ENOX1: variants seen among roughly 807,000 people sequenced by gnomAD.
The protein encoded by ENOX1 is ecto-NOX disulfide-thiol exchanger 1.
ENOX1 carries 42 observed loss-of-function variants against 82.5 expected under a neutral mutation model. The observed-to-expected ratio is 0.51, with a 90% CI of 0.40 to 0.66. ENOX1 has a LOEUF of 0.66. Among genes scored for constraint, ENOX1 ranks in the 30% least tolerant of loss-of-function variants. ENOX1 has a pLI of 0.00. For synonymous variants in ENOX1, 271 were observed against 282.2 expected, an observed-to-expected ratio of 0.96 and a Z score of 0.40; for missense variants, 608 against 811.6, an observed-to-expected ratio of 0.75 and a Z score of 3.05.
rs565273721 is a variant in ENOX1, at chr13:43,711,167, G to C, written c.-284-43623C>G. ...TCCCACCTAGGAGTGAGAACATGCG[G>C]TGTTTGGTTTTTTGTCCTTGCGATA... On this transcript the variant is annotated intron_variant, in intron 1 of 16. Transcript: ENST00000690772. 6.7e-5 allele frequency among the ~76,000 whole-genome samples: 10 copies of C among 149,562 alleles called. No homozygotes were observed. In the South Asian group the frequency reaches 1.9e-3, roughly 29 times the overall value.
chr13:43,367,847 A>T (rs1361601445), intron 5 of ENOX1, among the ~76,000 whole-genome samples: 2 of 152,254 alleles, frequency 1.3e-5, no homozygotes, highest in African/African-American at 4.8e-5. Context: ...ATGGGCATGT[A>T]AAAAGGTATC....
chr13:43,394,275 G>A (rs868584713), intron 5 of ENOX1, among the ~76,000 whole-genome samples: 4 of 152,140 alleles, frequency 2.6e-5, no homozygotes, highest in African/African-American at 9.7e-5. Flanking sequence ...ACAGCCCAAG[G>A]TTAGGCTGCT....
At position 43,685,460 on chromosome 13, in the gene ENOX1, C is replaced by T. The variant is rs145638301; in HGVS notation, c.-284-17916G>A. On this transcript the variant is annotated intron_variant, in intron 1 of 16. Coordinates refer to ENST00000690772, the MANE Select transcript of ENOX1 (RefSeq NM_001347969.2). ...ACAGCTGACAGCCATGTGCGTACCT[C>T]GCTGCTGGCCTAAAGTAGGTCCTCC... Among the ~76,000 whole-genome samples, 198 of 152,144 alleles carry T rather than the reference C, an allele frequency of 1.3e-3. 4 individuals carry two copies. In the East Asian group the frequency reaches 0.035, roughly 27 times the overall value.
At chr13:43,477,063 T>A (rs1203320903) in intron 3 of ENOX1, among the ~76,000 whole-genome samples, 1 of 136,574 alleles carries the variant, frequency 7.3e-6, no homozygotes, top group Admixed American at 7.2e-5. Flanking sequence ...AAAAAAAAAA[T>A]TGAGAAAAAA....
intron 2 of ENOX1, among the ~76,000 whole-genome samples, chr13:43,494,854 G>T (rs1278067247): frequency 6.6e-6 from 1 of 152,068 alleles, no homozygotes; most frequent in Non-Finnish European, 1.5e-5. Context: ...ATAAAAGTAG[G>T]GTTGGATGGA....
At chr13:43,369,305 C>A (rs1223605488) in intron 5 of ENOX1, among the ~76,000 whole-genome samples, 3 of 152,184 alleles carry the variant, frequency 2.0e-5, no homozygotes, top group Non-Finnish European at 4.4e-5. Flanking sequence ...TAAAAACCCA[C>A]CTTTTCTGAG....
chr13:43,419,211 A>G (rs2054826044), intron 3 of ENOX1, among the ~76,000 whole-genome samples: 1 of 152,186 alleles, frequency 6.6e-6, no homozygotes, highest in African/African-American at 2.4e-5. Context: ...CTAGGTATTG[A>G]AAAATCCTTC....
chr13:43,569,253 C>T (rs956226267), intron 2 of ENOX1, among the ~76,000 whole-genome samples: 2 of 152,094 alleles, frequency 1.3e-5, no homozygotes. Context: ...TCCTTATTCT[C>T]ATAAGGCTCT....
chr13:43,289,275 A>G (rs2045871799), intron 12 of ENOX1, among the ~76,000 whole-genome samples: 1 of 152,220 alleles, frequency 6.6e-6, no homozygotes, highest in African/African-American at 2.4e-5. Flanking sequence ...ACTCTAAGCC[A>G]AAAGAACAAA....
intron 1 of ENOX1, among the ~76,000 whole-genome samples, chr13:43,675,944 C>T (rs1427249261): frequency 1.3e-4 from 20 of 152,176 alleles, no homozygotes; most frequent in Admixed American, 1.3e-3. Flanking sequence ...ACCAAAAGAT[C>T]GTTAACACCA....
At chr13:43,422,959 G>T (rs939123007) in intron 3 of ENOX1, among the ~76,000 whole-genome samples, 3 of 152,132 alleles carry the variant, frequency 2.0e-5, no homozygotes, top group African/African-American at 7.2e-5. Flanking sequence ...AAAGAAAACA[G>T]GCCTTGATGC....
At chr13:43,340,437 A>T (rs574892384) in intron 9 of ENOX1, among the ~76,000 whole-genome samples, 133 of 152,352 alleles carry the variant, frequency 8.7e-4, no homozygotes, top group African/African-American at 3.1e-3. Flanking sequence ...ATCTCGGTTG[A>T]TATCTGCCAA....
intron 2 of ENOX1, among the ~76,000 whole-genome samples, chr13:43,539,313 T>C (rs1448944884): frequency 2.0e-5 from 3 of 152,216 alleles, no homozygotes; most frequent in East Asian, 1.9e-4. Flanking sequence ...CTTAAGGCTA[T>C]ACATTTTCCT....
intron 2 of ENOX1, among the ~76,000 whole-genome samples, chr13:43,592,409 G>T (rs542065560): frequency 6.6e-6 from 1 of 152,208 alleles, no homozygotes; most frequent in Admixed American, 6.5e-5. Flanking sequence ...CATTCATGCA[G>T]CTTTATTTAT....
At chr13:43,767,524 G>A (rs1372451491) in intron 1 of ENOX1, among the ~76,000 whole-genome samples, 3 of 152,192 alleles carry the variant, frequency 2.0e-5, no homozygotes, top group African/African-American at 7.2e-5. Flanking sequence ...CGCCAAGGAG[G>A]GAAAAGTTTA....
chr13:43,537,546 G>A (rs547265888), intron 2 of ENOX1, among the ~76,000 whole-genome samples: 6 of 152,332 alleles, frequency 3.9e-5, no homozygotes, highest in Admixed American at 3.3e-4. Flanking sequence ...CAGGAAACTT[G>A]CAGAAGTAAT....
At chr13:43,691,893 G>A (rs2086386844) in intron 1 of ENOX1, among the ~76,000 whole-genome samples, 1 of 151,860 alleles carries the variant, frequency 6.6e-6, no homozygotes, top group African/African-American at 2.4e-5. Flanking sequence ...GTAGAGATGG[G>A]GTTTCACCGT....
At chr13:43,386,943 T>C (rs1269208688) in intron 5 of ENOX1, among the ~76,000 whole-genome samples, 1 of 152,056 alleles carries the variant, frequency 6.6e-6, no homozygotes, top group Non-Finnish European at 1.5e-5. Context: ...TTTAAAAAAA[T>C]GGAATGTTGA....
chr13:43,414,071 G>A (rs2054301040), intron 3 of ENOX1, among the ~76,000 whole-genome samples: 1 of 152,130 alleles, frequency 6.6e-6, no homozygotes, highest in Non-Finnish European at 1.5e-5. Context: ...TGTATCTAAT[G>A]TGAAGTTCGA....
Sources: allele counts gnomAD v4.1 joint callset (sites outside exome capture counted in the v4.1 genomes callset), GRCh38; gene constraint gnomAD v4.1.1; transcripts MANE v1.5; gene names NCBI Gene and HGNC (gene_info 2026-07-23, HGNC 2026-07-21).